The following MARK1 variants were observed in gnomAD, a reference collection of about 807,000 sequenced individuals.
MARK1 encodes serine/threonine-protein kinase MARK1.
MARK1 carries 40 observed loss-of-function variants against 96.3 expected under a neutral mutation model. The ratio of observed to expected loss-of-function variants is 0.42; its 90% confidence interval spans 0.32 to 0.54. The LOEUF (loss-of-function observed/expected upper bound fraction) is 0.54. Among genes scored for constraint, MARK1 ranks in the 20% least tolerant of loss-of-function variants. The pLI is 0.16. For synonymous variants in MARK1, 317 were observed against 341.2 expected (o/e 0.93, Z 0.78); for missense variants, 719 against 984.6 (o/e 0.73, Z 3.61).
intron 3 of MARK1, among the ~76,000 whole-genome samples, chr1:220,584,700 A>C (rs937210814): frequency 6.6e-6 from 1 of 152,250 alleles, no homozygotes; most frequent in Non-Finnish European, 1.5e-5. Context: ...GAACCATGGG[A>C]GCAATATTCA....
chr1:220,549,242 T>C (rs1240513069), intron 1 of MARK1, among the ~76,000 whole-genome samples: 3 of 152,210 alleles, frequency 2.0e-5, no homozygotes, highest in Non-Finnish European at 4.4e-5. Context: ...CCACTTAACT[T>C]CCTTATACCT....
chr1:220,542,934 C>G (rs1661244788), intron 1 of MARK1, among the ~76,000 whole-genome samples: 1 of 152,126 alleles, frequency 6.6e-6, no homozygotes, highest in South Asian at 2.1e-4. Context: ...AATTTCCATA[C>G]TTATGTTCCT....
chr1:220,580,273 C>G (rs955673205), intron 2 of MARK1, among the ~76,000 whole-genome samples: 8 of 151,888 alleles, frequency 5.3e-5, no homozygotes, highest in African/African-American at 1.9e-4. Context: ...TGCTTGAGGC[C>G]AGGAGTTCAA....
chr1:220,584,269 T>C (rs1664445732), intron 3 of MARK1, among the ~76,000 whole-genome samples: 1 of 152,204 alleles, frequency 6.6e-6, no homozygotes, highest in South Asian at 2.1e-4. Flanking sequence ...CAAAAGTGGC[T>C]AAGTGGTTCA....
At chr1:220,539,319 G>T (rs913529241) in intron 1 of MARK1, among the ~76,000 whole-genome samples, 5 of 152,172 alleles carry the variant, frequency 3.3e-5, no homozygotes, top group Admixed American at 3.3e-4. Context: ...TGCATCTATT[G>T]AGATAATCAT....
intron 12 of MARK1, 144 bp from the exon 13 acceptor site, chr1:220,635,689 C>G: frequency 1.8e-6 from 2 of 1,136,796 alleles, no homozygotes; most frequent in East Asian, 2.6e-5. Flanking sequence ...AGGGACTGAC[C>G]TGATTTTTGA....
At chr1:220,605,077 T>C (rs1198678142) in intron 6 of MARK1, among the ~76,000 whole-genome samples, 1 of 152,136 alleles carries the variant, frequency 6.6e-6, no homozygotes, top group African/African-American at 2.4e-5. Context: ...AAGATACATA[T>C]GTGTGTGTTA....
chr1:220,592,298 G>A (rs1193546342), intron 3 of MARK1, among the ~76,000 whole-genome samples: 1 of 149,772 alleles, frequency 6.7e-6, no homozygotes, highest in African/African-American at 2.5e-5. Flanking sequence ...ACTTGCTCTA[G>A]AGACTATACT....
chr1:220,585,962 C>T (rs1664569062), intron 3 of MARK1, among the ~76,000 whole-genome samples: 1 of 150,652 alleles, frequency 6.6e-6, no homozygotes, highest in South Asian at 2.1e-4. Flanking sequence ...AGCCTTCCAA[C>T]TGCATCCACT....
intron 1 of MARK1, among the ~76,000 whole-genome samples, chr1:220,543,830 C>G (rs369095448): frequency 1.5e-3 from 222 of 152,246 alleles, no homozygotes; most frequent in Middle Eastern, 0.014. Context: ...TTTGTTCTTG[C>G]TCAGTTTTTC....
intron 13 of MARK1, among the ~76,000 whole-genome samples, chr1:220,642,022 C>G (rs1328555789): frequency 4.6e-5 from 7 of 152,216 alleles, no homozygotes; most frequent in Admixed American, 2.6e-4. Flanking sequence ...TTTGGACAGG[C>G]ACTGAACTGC....
intron 6 of MARK1, among the ~76,000 whole-genome samples, chr1:220,610,226 T>A (rs764508898): frequency 3.9e-5 from 6 of 152,200 alleles, no homozygotes; most frequent in Admixed American, 6.5e-5. Context: ...AGTCCCGTAT[T>A]TCTTGGAGGC....
chr1:220,660,375 G>C (rs1053008825), intron 17 of MARK1, among the ~76,000 whole-genome samples: 1 of 152,126 alleles, frequency 6.6e-6, no homozygotes, highest in African/African-American at 2.4e-5. Context: ...AGATTGCATA[G>C]TTTGCAGAGC....
rs1280310984 is a variant in MARK1, at chr1:220,618,009, T to C, written c.553-301T>C. ...TACGCTTCCAGGATGTTTCTGACTG[T>C]GAGGAAAAAAATGAGTTTAAAATAA... On this transcript the variant is annotated intron_variant, in intron 7 of 17. Coordinates refer to ENST00000366917, the MANE Select transcript of MARK1 (RefSeq NM_018650.5). This position sits in a 1 kb window ranked among gnomAD's most constrained non-coding sequence, Gnocchi z 4.6. Among the ~76,000 whole-genome samples the C allele has an allele frequency of 6.6e-6, 1 of 152,130 alleles. No homozygotes were observed. The highest frequency in any genetic ancestry group is 2.4e-5 in the African/African-American group (1 of 41,434).
intron 1 of MARK1, among the ~76,000 whole-genome samples, chr1:220,554,364 CATGTGCCA>C (rs1334282212): frequency 4.6e-5 from 7 of 152,212 alleles, no homozygotes; most frequent in Admixed American, 4.6e-4. Flanking sequence ...TCCCAGGGCA[CATGTGCCA>C]ATGTTTGGAG....
chr1:220,662,418 T>A lies in MARK1; in HGVS notation c.*252T>A. On this transcript the variant is annotated 3_prime_UTR_variant, in exon 18 of 18. Coordinates refer to ENST00000366917, the MANE Select transcript of MARK1 (RefSeq NM_018650.5). ...TTGTGTATTTCTGTTCATTTTCTGT[T>A]CATAGAGTTGTATAATAAAACATGA... 1 of 380,836 alleles carries A rather than the reference T, an allele frequency of 2.6e-6. No homozygotes were observed. Among genetic ancestry groups the A allele is most frequent in the South Asian group, 7.6e-5 (1 of 13,170 alleles). The allele number at this position is 380,836 out of a possible 1,614,324, so 23.6% of individuals were successfully genotyped here. A position where few individuals can be genotyped will look rare whatever the true frequency, so the allele number is the denominator to read the frequency against.
chr1:220,632,232 T>C lies in MARK1; in HGVS notation c.1041T>C (p.Asp347=). ...DIMVTMGFAR[D]EINDALINQK... ...TGGTCACCATGGGCTTTGCACGAGA[T>C]GAAATAAATGATGCCTTAATAAATC... The change falls in exon 11 of 18, where the codon GAT becomes GAC. Residue 347 remains aspartate, a synonymous_variant. Transcript: ENST00000366917. 1 of 1,545,544 alleles carries C rather than the reference T, an allele frequency of 6.5e-7. No homozygotes were observed. The highest frequency in any genetic ancestry group is 8.7e-7 in the Non-Finnish European group (1 of 1,145,698).
chr1:220,597,862 T>A (rs1665481499), intron 3 of MARK1, among the ~76,000 whole-genome samples: 1 of 152,210 alleles, frequency 6.6e-6, no homozygotes, highest in Non-Finnish European at 1.5e-5. Flanking sequence ...TCTACAAATC[T>A]ACCTAAAAAC....
chr1:220,661,251 T>A (rs1483370402), intron 17 of MARK1, among the ~76,000 whole-genome samples: 2 of 152,168 alleles, frequency 1.3e-5, no homozygotes, highest in East Asian at 3.9e-4. Context: ...TAGACTGTTT[T>A]AAGGATGTCT....
Sources: allele counts gnomAD v4.1 joint callset (sites outside exome capture counted in the v4.1 genomes callset), GRCh38; gene constraint gnomAD v4.1.1; non-coding constraint Gnocchi (gnomAD v3.1); transcripts MANE v1.5; gene names NCBI Gene and HGNC (gene_info 2026-07-23, HGNC 2026-07-21).